The following PTGFRN variants were observed in gnomAD, a reference collection of about 807,000 sequenced individuals.
PTGFRN encodes prostaglandin F2 receptor negative regulator.
PTGFRN carries 35 observed loss-of-function variants against 83.2 expected under a neutral mutation model. The ratio of observed to expected loss-of-function variants is 0.42; its 90% CI spans 0.32 to 0.56. The LOEUF (loss-of-function observed/expected upper bound fraction) is 0.56. Among genes scored for constraint, PTGFRN ranks in the 20% least tolerant of loss-of-function variants. The probability of loss-of-function intolerance (pLI) is 0.11; values close to 1 mark genes in which losing one functional copy is unlikely to be tolerated. For synonymous variants in PTGFRN, 519 were observed against 498.6 expected, an observed-to-expected ratio of 1.04 and a Z score of -0.55; for missense variants, 1,051 against 1,179.5, an observed-to-expected ratio of 0.89 and a Z score of 1.60.
At chr1:116,925,813 T>C (rs1649644037) in intron 1 of PTGFRN, among the ~76,000 whole-genome samples, 1 of 152,192 alleles carries the variant, frequency 6.6e-6, no homozygotes, top group African/African-American at 2.4e-5. Flanking sequence ...GCTCATCAAC[T>C]TTCCGTGATG....
At chr1:116,981,095 A>G (rs1478638268) in intron 7 of PTGFRN, among the ~76,000 whole-genome samples, 1 of 152,164 alleles carries the variant, frequency 6.6e-6, no homozygotes, top group Non-Finnish European at 1.5e-5. Flanking sequence ...GAGTTGTGGG[A>G]CCCATCAGTC....
chr1:116,936,892 CAT>C (rs1158057556), intron 1 of PTGFRN, among the ~76,000 whole-genome samples: 1 of 152,026 alleles, frequency 6.6e-6, no homozygotes, highest in Non-Finnish European at 1.5e-5. Context: ...AATCACTACT[CAT>C]ATGGAACTTA....
At chr1:116,921,600 A>G (rs1649536374) in intron 1 of PTGFRN, among the ~76,000 whole-genome samples, 1 of 151,676 alleles carries the variant, frequency 6.6e-6, no homozygotes, top group Non-Finnish European at 1.5e-5. Context: ...TTACTTTTCA[A>G]TACAGGACAT....
intron 1 of PTGFRN, among the ~76,000 whole-genome samples, chr1:116,921,249 T>G (rs1185934594): frequency 1.3e-5 from 2 of 152,220 alleles, no homozygotes; most frequent in Non-Finnish European, 2.9e-5. Flanking sequence ...TTTTTGAGGC[T>G]TATCCCTTTA....
intron 1 of PTGFRN, among the ~76,000 whole-genome samples, chr1:116,921,307 T>C (rs1198642403): frequency 6.6e-6 from 1 of 152,246 alleles, no homozygotes; most frequent in Non-Finnish European, 1.5e-5. Context: ...CTGTCCAGTG[T>C]ACACTACTTT....
At chr1:116,937,434 G>C (rs1336126631) in intron 1 of PTGFRN, among the ~76,000 whole-genome samples, 1 of 152,252 alleles carries the variant, frequency 6.6e-6, no homozygotes, top group African/African-American at 2.4e-5. Context: ...CAGTAATGCA[G>C]ATGAGACGGG....
rs774465208 is a variant in PTGFRN, at chr1:116,961,627, A to T, written c.1598A>T (p.Asp533Val). The T allele has an allele frequency of 6.2e-7, 1 of 1,613,888 alleles. No individual in the cohort carries two copies. Among genetic ancestry groups the T allele is most frequent in the Non-Finnish European group, 8.5e-7 (1 of 1,179,842 alleles). Residue 533 changes from aspartate to valine, a missense_variant, in exon 5 of 9, where the codon GAT becomes GTT. This residue lies in a region of PTGFRN where 719 missense variants were observed against 836.6 expected (regional missense o/e 0.86). Transcript: ENST00000393203. The surrounding 1 kb of genome is among the most constrained non-coding windows in gnomAD (Gnocchi z 5.4). ...AACAACAGCTGGGTGAAAAGCAAGG[A>T]TGTCTTCTCCAAGCCTGTTAACATA... Reference protein sequence around the residue: ...QRNNSWVKSKDVFSKPVNIFW... With the variant: ...QRNNSWVKSKVVFSKPVNIFW...
At position 116,910,130 on chromosome 1, in the gene PTGFRN, G is replaced by C. The variant is rs1347979245; in HGVS notation, c.-74G>C. ...AGGAGCGCCGACTCTGGAGCAGCCG[G>C]AGCTGGAAGAGGAGGAGGAGGAGAG... On this transcript the variant is annotated 5_prime_UTR_variant, in exon 1 of 9. Coordinates refer to ENST00000393203, the MANE Select transcript of PTGFRN (RefSeq NM_020440.4). The C allele has an allele frequency of 2.0e-6, 3 of 1,472,232 alleles. No individual in the cohort carries two copies. In the South Asian group the frequency reaches 3.6e-5, roughly 18 times the overall value. The allele number at this position is 1,472,232 out of a possible 1,614,324, so 91.2% of individuals were successfully genotyped here.
At chr1:116,924,593 T>C (rs1649611229) in intron 1 of PTGFRN, among the ~76,000 whole-genome samples, 1 of 152,156 alleles carries the variant, frequency 6.6e-6, no homozygotes, top group Non-Finnish European at 1.5e-5. Flanking sequence ...AATCCTGAGA[T>C]TGTGTCACTT....
chr1:116,944,563 C>T (rs1650137534), intron 2 of PTGFRN, 116 bp from the exon 3 acceptor site: 3 of 1,083,630 alleles, frequency 2.8e-6, no homozygotes, highest in Admixed American at 8.5e-5. Context: ...CGTGCCCATC[C>T]GGGTCTTGGA....
intron 7 of PTGFRN, 41 bp from the exon 8 acceptor site, chr1:116,984,639 C>G: frequency 6.3e-7 from 1 of 1,589,824 alleles, no homozygotes; most frequent in Non-Finnish European, 8.6e-7. Context: ...TGACTTCTGC[C>G]CATTGCACTG....
intron 4 of PTGFRN, among the ~76,000 whole-genome samples, chr1:116,953,255 A>T (rs1650393365): frequency 1.3e-5 from 2 of 152,184 alleles, no homozygotes; most frequent in South Asian, 4.1e-4. Context: ...TAATTATTTT[A>T]TTTAAAAGAG....
chr1:116,963,233 C>G (rs1380343521), intron 5 of PTGFRN, among the ~76,000 whole-genome samples: 1 of 152,218 alleles, frequency 6.6e-6, no homozygotes, highest in Non-Finnish European at 1.5e-5. Flanking sequence ...GGGAATTATT[C>G]TGCATTTCCT....
intron 5 of PTGFRN, among the ~76,000 whole-genome samples, chr1:116,964,842 A>T (rs550551102): frequency 2.0e-5 from 3 of 152,256 alleles, no homozygotes; most frequent in African/African-American, 7.2e-5. Flanking sequence ...TTGACTTAGA[A>T]TCTGGCTACT....
At chr1:116,981,599 A>G (rs1275832304) in intron 7 of PTGFRN, among the ~76,000 whole-genome samples, 1 of 152,228 alleles carries the variant, frequency 6.6e-6, no homozygotes, top group East Asian at 1.9e-4. Context: ...CCAGGTGGAC[A>G]TCTGTCTCCT....
intron 1 of PTGFRN, among the ~76,000 whole-genome samples, chr1:116,921,553 T>TA (rs1442206942): frequency 6.6e-6 from 1 of 152,034 alleles, no homozygotes; most frequent in East Asian, 1.9e-4. Context: ...TAAAAACAGT[T>TA]ATGACCCTTG....
At chr1:116,965,771 T>G (rs971634592) in intron 5 of PTGFRN, among the ~76,000 whole-genome samples, 5 of 152,238 alleles carry the variant, frequency 3.3e-5, no homozygotes, top group Non-Finnish European at 7.3e-5. Context: ...ATTTCATTTG[T>G]CTTCCTTCAC....
chr1:116,945,071 A>G lies in PTGFRN; in HGVS notation c.811A>G (p.Thr271Ala), dbSNP rs1650161965. The G allele has an allele frequency of 1.9e-6, 3 of 1,613,106 alleles. No individual in the cohort carries two copies. The South Asian group carries it at 3.3e-5, about 18-fold the overall frequency. ...CCAAGAAAAGGCCGTGGAAGTTGCC[A>G]CCGTGGTGATCCAGCCATCAGGTGA... ...EIQEKAVEVA[T>A]VVIQPSVLRA... The change falls in exon 3 of 9, where the codon ACC becomes GCC. Residue 271 changes from threonine to alanine, a missense_variant. Physicochemically the swap from Thr to Ala is moderately conservative, Grantham distance 58 (BLOSUM62 0). This residue lies in a region of PTGFRN where 719 missense variants were observed against 836.6 expected (regional missense o/e 0.86). Transcript: ENST00000393203.
chr1:116,989,609 A>G lies in PTGFRN; in HGVS notation c.*2642A>G, dbSNP rs1651648465. ...AAGTTTGGGATTTTTTTTCCTAATCATAAAAATAGCCCCAGAAAGAGCCTA... is the reference window on the plus strand; with the variant it reads ...AAGTTTGGGATTTTTTTTCCTAATCGTAAAAATAGCCCCAGAAAGAGCCTA... On this transcript the variant is annotated 3_prime_UTR_variant, in exon 9 of 9. Transcript: ENST00000393203. 2 of 152,624 alleles carry G rather than the reference A, an allele frequency of 1.3e-5. No homozygotes were observed. The highest frequency in any genetic ancestry group is 2.4e-5 in the African/African-American group (1 of 41,440). The allele number at this position is 152,624 out of a possible 1,614,324, so 9.5% of individuals were successfully genotyped here.
Sources: gnomAD v4.1 joint callset for allele counts (sites outside exome capture counted in the v4.1 genomes callset) on GRCh38, gnomAD v4.1.1 for gene constraint, gnomAD v4.1.1 regional missense constraint, Gnocchi (gnomAD v3.1) non-coding constraint, MANE v1.5 for transcripts, NCBI Gene and HGNC (gene_info 2026-07-23, HGNC 2026-07-21) for gene names.